Variants in PCDHA2 observed in about 807,000 individuals in gnomAD.
PCDHA2 encodes protocadherin alpha-2.
Under a neutral mutation model 66.0 loss-of-function variants are expected in PCDHA2, and 58 were observed. That is an observed-to-expected ratio of 0.88 (90% CI 0.71 to 1.09). The LOEUF (loss-of-function observed/expected upper bound fraction) is 1.09. PCDHA2 is among the 50% of genes least tolerant of loss of function. PCDHA2 has a pLI of 0.00. For synonymous variants in PCDHA2, 634 were observed against 554.0 expected, an observed-to-expected ratio of 1.14 and a Z score of -2.03; for missense variants, 1,267 against 1,242.3, an observed-to-expected ratio of 1.02 and a Z score of -0.30.
chr5:140,813,106 A>T (rs1554126121), intron 1 of PCDHA2: 1 of 152,152 alleles, frequency 6.6e-6, no homozygotes, highest in Admixed American at 6.5e-5. Flanking sequence ...AGAAGACTGT[A>T]TATTTGCTGC....
At chr5:140,850,483 C>A in intron 1 of PCDHA2, 2 of 1,598,100 alleles carry the variant, frequency 1.3e-6, no homozygotes, top group East Asian at 4.5e-5. Flanking sequence ...ACGGCCACGG[C>A]CACTGTGCTG....
At chr5:140,800,669 G>A (rs1354961651) in intron 1 of PCDHA2, among the ~76,000 whole-genome samples, 7 of 152,140 alleles carry the variant, frequency 4.6e-5, no homozygotes, top group Non-Finnish European at 8.8e-5. Context: ...TTTATAAAAA[G>A]CGAATAATAT....
intron 1 of PCDHA2, among the ~76,000 whole-genome samples, chr5:140,915,155 G>T (rs941034401): frequency 1.3e-5 from 2 of 151,934 alleles, no homozygotes; most frequent in Non-Finnish European, 2.9e-5. Flanking sequence ...CACCATGTTG[G>T]CCAGGATAGT....
intron 1 of PCDHA2, chr5:140,842,491 GC>G (rs1554139099): frequency 2.5e-6 from 4 of 1,613,896 alleles, no homozygotes; most frequent in Non-Finnish European, 3.4e-6. Context: ...GCTCCCTGAT[GC>G]CCCATGTCCC....
intron 1 of PCDHA2, among the ~76,000 whole-genome samples, chr5:140,910,576 C>T (rs1305355365): frequency 6.6e-6 from 1 of 152,174 alleles, no homozygotes; most frequent in African/African-American, 2.4e-5. Context: ...TTTTCTGGAT[C>T]CTCCCAGCTG....
At chr5:140,849,896 C>A in intron 1 of PCDHA2, 1 of 1,598,590 alleles carries the variant, frequency 6.3e-7, no homozygotes, top group Non-Finnish European at 8.6e-7. Flanking sequence ...TGAAGGAGAA[C>A]AACCCGCCGG....
At chr5:140,891,330 T>G (rs995602420) in intron 1 of PCDHA2, among the ~76,000 whole-genome samples, 14 of 152,108 alleles carry the variant, frequency 9.2e-5, no homozygotes, top group Non-Finnish European at 1.9e-4. Flanking sequence ...TGGTGGTGAT[T>G]TGTGAGATTT....
At chr5:140,963,615 T>A (rs2095780964) in intron 1 of PCDHA2, among the ~76,000 whole-genome samples, 1 of 152,248 alleles carries the variant, frequency 6.6e-6, no homozygotes, top group African/African-American at 2.4e-5. Context: ...TGGGAAAGCT[T>A]AACTTTGTTG....
chr5:140,903,498 T>C (rs1205249543), intron 1 of PCDHA2, among the ~76,000 whole-genome samples: 2 of 152,320 alleles, frequency 1.3e-5, no homozygotes, highest in East Asian at 1.9e-4. Context: ...GCAGGTACCA[T>C]AGATAATAGT....
chr5:140,929,282 A>T, intron 1 of PCDHA2: 1 of 1,601,564 alleles, frequency 6.2e-7, no homozygotes, highest in South Asian at 1.1e-5. Flanking sequence ...TCCTGTATTC[A>T]GATTCGGAAT....
chr5:140,857,694 C>A (rs1554150531), intron 1 of PCDHA2: 1 of 1,597,142 alleles, frequency 6.3e-7, no homozygotes. Flanking sequence ...AGCAACTTGA[C>A]GCTGCAGGTG....
Position 140,885,566 on chromosome 5 carries a change from G to A in PCDHA2, c.2388+88214G>A, listed in dbSNP as rs190303990. On this transcript the variant is annotated intron_variant, in intron 1 of 3. Transcript: ENST00000526136. The stretch of plus-strand genomic sequence containing the variant: ...TGGTGTTATTTCTACGAAATTGATT[G>A]TCAGATGTGGAATTGATGCATCAAA... Among the ~76,000 whole-genome samples, 467 of 152,160 alleles carry A rather than the reference G, an allele frequency of 3.1e-3. 3 individuals carry two copies. The highest frequency in any genetic ancestry group is 0.014 in the Middle Eastern group (4 of 294).
intron 1 of PCDHA2, chr5:140,828,590 A>G (rs1562298438): frequency 3.1e-6 from 5 of 1,614,240 alleles, no homozygotes; most frequent in Non-Finnish European, 4.2e-6. Flanking sequence ...CTCAAATTCC[A>G]TCTTAACCTA....
chr5:140,909,585 T>C (rs1554193854), intron 1 of PCDHA2, among the ~76,000 whole-genome samples: 1 of 152,180 alleles, frequency 6.6e-6, no homozygotes, highest in Non-Finnish European at 1.5e-5. Context: ...GATATGTTTT[T>C]TGATTTACTA....
chr5:140,852,582 A>AT (rs2150518947), intron 1 of PCDHA2: 69,093 of 668,182 alleles, frequency 0.1, 1,214 homozygotes, highest in Non-Finnish European at 0.11. Flanking sequence ...AGGCTTTTTT[A>AT]TTTTTTTTTT....
rs1169981457 is a variant in PCDHA2, at chr5:140,955,139, G to GT, written c.2389-23805dup. ...TTCTGTTCCACTGGTCTACACGTCT[G>GT]TTTTTGTACCAGTACCGTGCTGTTT... On this transcript the variant is annotated intron_variant, in intron 1 of 3. Coordinates refer to ENST00000526136, the MANE Select transcript of PCDHA2 (RefSeq NM_018905.3). Among the ~76,000 whole-genome samples the GT allele has an allele frequency of 2.0e-5, 3 of 152,138 alleles. No homozygotes were observed. The East Asian group carries it at 5.8e-4, about 29-fold the overall frequency.
intron 1 of PCDHA2, chr5:140,868,190 A>G (rs1315604501): frequency 7.2e-5 from 11 of 152,160 alleles, no homozygotes; most frequent in African/African-American, 1.2e-4. Context: ...TTATGCTACT[A>G]TGGCTTACAT....
intron 1 of PCDHA2, chr5:140,822,929 C>T: frequency 6.2e-7 from 1 of 1,614,266 alleles, no homozygotes. Flanking sequence ...GGGCAGGTGA[C>T]CTGCTCCCTA....
chr5:140,902,290 A>G (rs1252691615), intron 1 of PCDHA2, among the ~76,000 whole-genome samples: 1 of 146,394 alleles, frequency 6.8e-6, no homozygotes, highest in Non-Finnish European at 1.5e-5. Context: ...CTCCTGCCTC[A>G]GCCTCCCAAA....
Sources: gnomAD v4.1 joint callset for allele counts (sites outside exome capture counted in the v4.1 genomes callset) on GRCh38, gnomAD v4.1.1 for gene constraint, MANE v1.5 for transcripts, NCBI Gene and HGNC (gene_info 2026-07-23, HGNC 2026-07-21) for gene names.